Variants in PCDHA2 observed in about 807,000 individuals in gnomAD.
PCDHA2 encodes protocadherin alpha-2.
A neutral mutation model predicts 66.0 loss-of-function variants in PCDHA2; 58 were observed. The observed-to-expected ratio is 0.88, with a 90% CI of 0.71 to 1.09. The LOEUF (loss-of-function observed/expected upper bound fraction) is 1.09. PCDHA2 is among the 50% of genes least tolerant of loss of function. The pLI is 0.00. For synonymous variants in PCDHA2, 634 were observed against 554.0 expected (o/e 1.14, Z -2.03); for missense variants, 1,267 against 1,242.3 (o/e 1.02, Z -0.30).
intron 3 of PCDHA2, among the ~76,000 whole-genome samples, chr5:141,007,067 G>A (rs1352139121): frequency 1.3e-5 from 2 of 152,164 alleles, no homozygotes; most frequent in African/African-American, 4.8e-5. Flanking sequence ...AAAGGAGAGA[G>A]TGAAGAGAAA....
rs1479921830 is a variant in PCDHA2 at position 140,876,971 on chromosome 5, G to A, written c.2388+79619G>A. The A allele has an allele frequency of 1.9e-6, 3 of 1,612,696 alleles. No homozygotes were observed. In the African/African-American group the frequency reaches 4.0e-5, roughly 22 times the overall value. On this transcript the variant is annotated intron_variant, in intron 1 of 3. Coordinates refer to ENST00000526136, the MANE Select transcript of PCDHA2 (RefSeq NM_018905.3). ...TACTCGCTGGTGGAGCGGCGGGTGG[G>A]CGAGCACGCACTGTCGAGCTACGTG...
intron 1 of PCDHA2, among the ~76,000 whole-genome samples, chr5:140,914,947 T>TC (rs1232423561): frequency 7.0e-6 from 1 of 142,282 alleles, no homozygotes; most frequent in Non-Finnish European, 1.5e-5. Context: ...AAGTTGTCTT[T>TC]TTTTTTTTTT....
At chr5:140,863,975 T>G (rs1429361559) in intron 1 of PCDHA2, 2 of 153,508 alleles carry the variant, frequency 1.3e-5, no homozygotes, top group Non-Finnish European at 2.9e-5. Context: ...CACTACAGCC[T>G]GGGAGACAGG....
At chr5:140,877,269 T>A in intron 1 of PCDHA2, 1 of 1,613,758 alleles carries the variant, frequency 6.2e-7, no homozygotes. Flanking sequence ...CGGTGGACGC[T>A]GACTCCGGCT....
At chr5:140,851,804 A>G (rs2042163205) in intron 1 of PCDHA2, 6 of 945,718 alleles carry the variant, frequency 6.3e-6, no homozygotes, top group Non-Finnish European at 7.7e-6. Context: ...TCTGTCAGTA[A>G]TCCATAAGAC....
At chr5:140,966,233 C>T (rs1554228161) in intron 1 of PCDHA2, 1 of 287,374 alleles carries the variant, frequency 3.5e-6, no homozygotes, top group Non-Finnish European at 6.4e-6. Flanking sequence ...CCTTAAAGAC[C>T]CGTTAAGCAG....
chr5:140,846,229 T>C (rs1166020827), intron 1 of PCDHA2, among the ~76,000 whole-genome samples: 1 of 149,582 alleles, frequency 6.7e-6, no homozygotes, highest in Non-Finnish European at 1.5e-5. Context: ...GTATTTTTCT[T>C]AAAAAGAAGT....
At chr5:140,903,695 A>G (rs1325722558) in intron 1 of PCDHA2, among the ~76,000 whole-genome samples, 9 of 152,238 alleles carry the variant, frequency 5.9e-5, no homozygotes, top group African/African-American at 1.7e-4. Flanking sequence ...AATAGTTTAA[A>G]ATAGTAATAA....
chr5:140,959,373 C>CA lies in PCDHA2; in HGVS notation c.2389-19566dup, dbSNP rs1243465116. Among the ~76,000 whole-genome samples the CA allele has an allele frequency of 8.3e-3, 1,208 of 145,190 alleles. 7 individuals carry two copies. Among genetic ancestry groups the CA allele is most frequent in the Admixed American group, 0.016 (228 of 14,544 alleles). ...GGGACAACTGAGTGAGACCCTGTCT[C>CA]AAAAAAAAAAGTCACAAATTAAGAT... On this transcript the variant is annotated intron_variant, in intron 1 of 3. Coordinates refer to ENST00000526136, the MANE Select transcript of PCDHA2 (RefSeq NM_018905.3).
At chr5:140,881,239 A>G in intron 1 of PCDHA2, 1 of 370,812 alleles carries the variant, frequency 2.7e-6, no homozygotes. Flanking sequence ...AGTCAATTTA[A>G]ATGACGGCAA....
intron 3 of PCDHA2, among the ~76,000 whole-genome samples, chr5:140,986,211 C>T (rs1257937611): frequency 1.3e-5 from 2 of 152,126 alleles, no homozygotes; most frequent in African/African-American, 2.4e-5. Flanking sequence ...GATTACTGGC[C>T]CCTTTCTCTA....
chr5:140,926,726 C>T, intron 1 of PCDHA2: 1 of 1,046,502 alleles, frequency 9.6e-7, no homozygotes, highest in Non-Finnish European at 1.3e-6. Flanking sequence ...GCAATGCCGG[C>T]GTTCGGGAGG....
At chr5:140,836,095 G>C (rs2150252666) in intron 1 of PCDHA2, 6 of 1,613,694 alleles carry the variant, frequency 3.7e-6, no homozygotes, top group Non-Finnish European at 5.1e-6. Flanking sequence ...CCTCGGGTGG[G>C]TGGCACTGGT....
chr5:140,842,491 GCCCCATGT>G (rs1428836968), intron 1 of PCDHA2: 1 of 1,613,778 alleles, frequency 6.2e-7, no homozygotes, highest in African/African-American at 1.3e-5. Context: ...GCTCCCTGAT[GCCCCATGT>G]CCCCTTCAAG....
At chr5:140,889,273 T>C (rs1307102398) in intron 1 of PCDHA2, among the ~76,000 whole-genome samples, 3 of 152,054 alleles carry the variant, frequency 2.0e-5, no homozygotes, top group Admixed American at 6.5e-5. Flanking sequence ...GTATAATCTT[T>C]GAATTACTTC....
At chr5:140,952,158 G>A (rs2094696814) in intron 1 of PCDHA2, among the ~76,000 whole-genome samples, 1 of 151,946 alleles carries the variant, frequency 6.6e-6, no homozygotes, top group Non-Finnish European at 1.5e-5. Flanking sequence ...GTGGCTTTGT[G>A]GGGTTCAGTT....
At chr5:140,965,033 T>C (rs1563339344) in intron 1 of PCDHA2, among the ~76,000 whole-genome samples, 2 of 152,192 alleles carry the variant, frequency 1.3e-5, no homozygotes, top group African/African-American at 4.8e-5. Flanking sequence ...CCTTTAACTG[T>C]CCGCTCTAGG....
In PCDHA2 at chr5:140,982,542, A is replaced by T; in HGVS notation, c.2515A>T (p.Thr839Ser). 6.2e-7 allele frequency: 1 copy of T among 1,614,210 alleles called. No individual in the cohort carries two copies. Among genetic ancestry groups the T allele is most frequent in the Non-Finnish European group, 8.5e-7 (1 of 1,180,042 alleles). The change falls in exon 3 of 4, where the codon ACA becomes TCA. Residue 839 changes from threonine (T) to serine (S), a missense_variant. Transcript: ENST00000526136. ...AGGAGGGCCTGATCAGCAGTGGCCA[A>T]CAGTATCCAGTGCAACACCAGGTAA... is the stretch of plus-strand genomic sequence containing the variant. The part of the protein sequence containing the change: ...GPGGPDQQWP[T>S]VSSATPEPEA...
At chr5:140,934,430 G>A (rs1249557283) in intron 1 of PCDHA2, among the ~76,000 whole-genome samples, 1 of 152,108 alleles carries the variant, frequency 6.6e-6, no homozygotes, top group Non-Finnish European at 1.5e-5. Context: ...CAATGCAAGT[G>A]TAAATATAGT....
Sources: gnomAD v4.1 joint callset for allele counts (sites outside exome capture counted in the v4.1 genomes callset) on GRCh38, gnomAD v4.1.1 for gene constraint, MANE v1.5 for transcripts, NCBI Gene and HGNC (gene_info 2026-07-23, HGNC 2026-07-21) for gene names.